The following EPHA7 variants were observed in gnomAD, a reference collection of about 807,000 sequenced individuals.
EPHA7 encodes the protein EPH receptor A7.
EPHA7 carries 25 observed loss-of-function variants against 112.6 expected under a neutral mutation model. That is an observed-to-expected ratio of 0.22 (90% CI 0.16 to 0.31). The LOEUF (loss-of-function observed/expected upper bound fraction) is 0.31. Among genes scored for constraint, EPHA7 ranks in the 10% least tolerant of loss-of-function variants. EPHA7 has a pLI of 1.00. For missense variants in EPHA7, 962 were observed against 1,212.6 expected (o/e 0.79, Z 3.07); for synonymous variants, 437 against 406.5 (o/e 1.07, Z -0.90).
At chr6:93,381,608 A>T (rs1042278586) in intron 3 of EPHA7, among the ~76,000 whole-genome samples, 1 of 152,206 alleles carries the variant, frequency 6.6e-6, no homozygotes, top group Non-Finnish European at 1.5e-5. Flanking sequence ...AATTTAATTA[A>T]CCACAAATTA....
chr6:93,284,345 C>T (rs1771949808), intron 5 of EPHA7, among the ~76,000 whole-genome samples: 1 of 150,560 alleles, frequency 6.6e-6, no homozygotes, highest in South Asian at 2.1e-4. Flanking sequence ...AATCATCATT[C>T]TGGTGTTCCT....
At position 93,419,470 on chromosome 6, in the gene EPHA7, G is replaced by T; in HGVS notation, c.-129C>A. ...CGATTCCCCTTCTCGGTCCCCGATC[G>T]GCTGCTCCACGTTTAGCTTTTTTTA... On this transcript the variant is annotated 5_prime_UTR_variant, in exon 1 of 17. Coordinates refer to ENST00000369303, the MANE Select transcript of EPHA7 (RefSeq NM_004440.4). The T allele has an allele frequency of 3.0e-6, 2 of 674,922 alleles. No homozygotes were observed. Among genetic ancestry groups the T allele is most frequent in the Non-Finnish European group, 4.9e-6 (2 of 407,478 alleles). The allele number at this position is 674,922 out of a possible 1,614,324, so 41.8% of individuals were successfully genotyped here. A position where few individuals can be genotyped will look rare whatever the true frequency, so the allele number is the denominator to read the frequency against.
chr6:93,283,381 G>C (rs2127901475), intron 5 of EPHA7, among the ~76,000 whole-genome samples: 1 of 152,202 alleles, frequency 6.6e-6, no homozygotes, highest in East Asian at 1.9e-4. Flanking sequence ...ATAAAAGCAG[G>C]CTGCCCGAGC....
At chr6:93,293,186 ATT>A (rs1188457948) in intron 5 of EPHA7, among the ~76,000 whole-genome samples, 4 of 150,616 alleles carry the variant, frequency 2.7e-5, no homozygotes, top group Non-Finnish European at 4.4e-5. Context: ...TATATATATA[ATT>A]TTTTGTTATT....
At chr6:93,290,801 GC>G (rs1233039605) in intron 5 of EPHA7, among the ~76,000 whole-genome samples, 5 of 152,070 alleles carry the variant, frequency 3.3e-5, no homozygotes, top group African/African-American at 1.2e-4. Context: ...TCTTACGAAT[GC>G]CCAGTGTCCT....
intron 5 of EPHA7, among the ~76,000 whole-genome samples, chr6:93,319,991 A>G (rs2127881973): frequency 6.6e-6 from 1 of 152,150 alleles, no homozygotes; most frequent in Admixed American, 6.6e-5. Flanking sequence ...TCTTACTAGT[A>G]CAGATTTACT....
At chr6:93,307,285 G>A (rs1408596112) in intron 5 of EPHA7, among the ~76,000 whole-genome samples, 1 of 151,832 alleles carries the variant, frequency 6.6e-6, no homozygotes, top group Non-Finnish European at 1.5e-5. Context: ...CAAAATTCTA[G>A]TTAAAAGACA....
chr6:93,326,554 T>C (rs1774330185), intron 5 of EPHA7, among the ~76,000 whole-genome samples: 1 of 151,438 alleles, frequency 6.6e-6, no homozygotes, highest in Non-Finnish European at 1.5e-5. Flanking sequence ...AGAAGCAAGT[T>C]TTAAAACTAA....
chr6:93,248,878 A>G (rs1013716002), intron 14 of EPHA7, among the ~76,000 whole-genome samples: 1 of 152,174 alleles, frequency 6.6e-6, no homozygotes, highest in African/African-American at 2.4e-5. Flanking sequence ...CTTCCCAAAT[A>G]CAATATATGC....
chr6:93,314,859 T>C (rs988762597), intron 5 of EPHA7, among the ~76,000 whole-genome samples: 1 of 75,368 alleles, frequency 1.3e-5, no homozygotes, highest in East Asian at 4.8e-4. Context: ...TATAATTTTC[T>C]TTTTTTTTTT....
intron 3 of EPHA7, among the ~76,000 whole-genome samples, chr6:93,400,724 G>A (rs1297706655): frequency 2.0e-5 from 3 of 151,926 alleles, no homozygotes; most frequent in Non-Finnish European, 2.9e-5. Context: ...TTTTTGCAGA[G>A]CTGGGGTCTC....
chr6:93,248,285 T>A (rs1312348862), intron 14 of EPHA7, among the ~76,000 whole-genome samples: 1 of 152,054 alleles, frequency 6.6e-6, no homozygotes, highest in Non-Finnish European at 1.5e-5. Context: ...TAGGATAGGA[T>A]GTAATGAGTA....
intron 3 of EPHA7, among the ~76,000 whole-genome samples, chr6:93,386,878 T>C (rs1582644958): frequency 6.6e-6 from 1 of 152,042 alleles, no homozygotes; most frequent in South Asian, 2.1e-4. Context: ...ATGGAAGGGC[T>C]GGGATGGAGG....
chr6:93,374,585 G>A (rs1028488672), intron 3 of EPHA7, among the ~76,000 whole-genome samples: 3 of 152,078 alleles, frequency 2.0e-5, no homozygotes, highest in African/African-American at 7.2e-5. Flanking sequence ...AATTTTATTT[G>A]CCAAAATAGA....
chr6:93,304,856 T>C (rs189167541), intron 5 of EPHA7, among the ~76,000 whole-genome samples: 1 of 152,150 alleles, frequency 6.6e-6, no homozygotes, highest in East Asian at 1.9e-4. Flanking sequence ...GATGGTGTTC[T>C]GTTTGGAAGA....
At chr6:93,326,968 A>G in intron 5 of EPHA7, among the ~76,000 whole-genome samples, 1 of 151,570 alleles carries the variant, frequency 6.6e-6, no homozygotes, top group South Asian at 2.1e-4. Context: ...CATGATTGTG[A>G]GTTACCTCAT....
At chr6:93,419,183 C>A in intron 1 of EPHA7, 62 bp downstream of exon 1, 2 of 1,406,592 alleles carry the variant, frequency 1.4e-6, no homozygotes, top group Non-Finnish European at 2.0e-6. Flanking sequence ...GACGAGCTGG[C>A]TTGTGCAGGT....
Position 93,321,975 on chromosome 6 carries a change from T to A in EPHA7, c.1324+34742A>T, listed in dbSNP as rs536331943. Among the ~76,000 whole-genome samples the A allele has an allele frequency of 5.9e-5, 9 of 151,956 alleles. No individual in the cohort carries two copies. The East Asian group carries it at 1.7e-3, about 29-fold the overall frequency. On this transcript the variant is annotated intron_variant, in intron 5 of 16. Coordinates refer to ENST00000369303, the MANE Select transcript of EPHA7 (RefSeq NM_004440.4). Reference sequence around the variant, plus strand: ...AACTCTTTATACATTAATTTCTTCATATTTATAATGAGGACATTAATACTA... The same window carrying A: ...AACTCTTTATACATTAATTTCTTCAAATTTATAATGAGGACATTAATACTA...
chr6:93,273,251 G>T (rs1210636785), intron 5 of EPHA7, among the ~76,000 whole-genome samples: 1 of 151,956 alleles, frequency 6.6e-6, no homozygotes, highest in Non-Finnish European at 1.5e-5. Context: ...GCTCAGTGAT[G>T]ATTAACTAGT....
Sources: allele counts gnomAD v4.1 joint callset (sites outside exome capture counted in the v4.1 genomes callset), GRCh38; gene constraint gnomAD v4.1.1; transcripts MANE v1.5; gene names NCBI Gene and HGNC (gene_info 2026-07-23, HGNC 2026-07-21).